GRK5: variants seen among roughly 807,000 people sequenced by gnomAD.
GRK5 encodes g protein-coupled receptor kinase GRK5.
Under a neutral mutation model 78.4 loss-of-function variants are expected in GRK5, and 40 were observed. That is an observed-to-expected ratio of 0.51 (90% CI 0.40 to 0.66). The LOEUF (loss-of-function observed/expected upper bound fraction) is 0.66. Among genes scored for constraint, GRK5 ranks in the 30% least tolerant of loss-of-function variants. GRK5 has a pLI of 0.00. For synonymous variants in GRK5, 289 were observed against 296.8 expected, an observed-to-expected ratio of 0.97 and a Z score of 0.27; for missense variants, 598 against 759.9, an observed-to-expected ratio of 0.79 and a Z score of 2.50.
chr10:119,407,334 T>C (rs1018508341), intron 4 of GRK5, among the ~76,000 whole-genome samples: 1 of 152,214 alleles, frequency 6.6e-6, no homozygotes, highest in African/African-American at 2.4e-5. Context: ...AACTCTGTGC[T>C]AGAAACAAGG....
chr10:119,212,456 A>T (rs953579185), intron 1 of GRK5, among the ~76,000 whole-genome samples: 3 of 152,234 alleles, frequency 2.0e-5, no homozygotes, highest in African/African-American at 7.2e-5. Context: ...TTGCTAAATG[A>T]TACCCTTTGG....
intron 2 of GRK5, among the ~76,000 whole-genome samples, chr10:119,354,395 C>CTTTTTTTTTTT (rs60146483): frequency 2.3e-5 from 2 of 87,808 alleles, no homozygotes; most frequent in Non-Finnish European, 4.2e-5. Context: ...CCTACATCTC[C>CTTTTTTTTTTT]TTTTTTTTTT....
At chr10:119,420,454 C>T (rs1393002827) in intron 4 of GRK5, among the ~76,000 whole-genome samples, 35 of 151,624 alleles carry the variant, frequency 2.3e-4, no homozygotes, top group Admixed American at 2.3e-3. Context: ...GGCATAAGAA[C>T]TTTTCTGTTG....
chr10:119,443,521 T>TCTCTC (rs767648881), intron 11 of GRK5, 23 bp from the exon 12 acceptor site: 165 of 1,586,260 alleles, frequency 1.0e-4, no homozygotes, highest in Non-Finnish European at 1.4e-4. Context: ...TCCTCACTCC[T>TCTCTC]CTCTCCTCTC....
At chr10:119,259,501 G>A (rs1564867062) in intron 1 of GRK5, among the ~76,000 whole-genome samples, 1 of 152,216 alleles carries the variant, frequency 6.6e-6, no homozygotes, top group Non-Finnish European at 1.5e-5. Context: ...GAGAAAAATT[G>A]GTTGGTGAGT....
intron 1 of GRK5, among the ~76,000 whole-genome samples, chr10:119,249,447 A>G (rs775523183): frequency 3.3e-5 from 5 of 152,180 alleles, no homozygotes; most frequent in African/African-American, 4.8e-5. Context: ...CAGGTATATC[A>G]TGTATCAAAT....
At chr10:119,447,036 C>T (rs757829861) in intron 12 of GRK5, among the ~76,000 whole-genome samples, 35 of 152,236 alleles carry the variant, frequency 2.3e-4, no homozygotes, top group Non-Finnish European at 4.1e-4. Flanking sequence ...ACAGCTGCAG[C>T]GCTCAGTAAG....
chr10:119,342,778 G>C (rs184966047), intron 2 of GRK5, among the ~76,000 whole-genome samples: 1 of 152,302 alleles, frequency 6.6e-6, no homozygotes, highest in African/African-American at 2.4e-5. Context: ...GTGGCTCTTG[G>C]CAGCGCAGGC....
chr10:119,348,400 T>A (rs1278716239), intron 2 of GRK5, among the ~76,000 whole-genome samples: 1 of 151,556 alleles, frequency 6.6e-6, no homozygotes, highest in East Asian at 1.9e-4. Context: ...AAGCAGGCAA[T>A]GAATAAGTCA....
At chr10:119,325,692 A>G (rs1850662980) in intron 1 of GRK5, among the ~76,000 whole-genome samples, 1 of 152,158 alleles carries the variant, frequency 6.6e-6, no homozygotes. Flanking sequence ...GCTCAGGGAC[A>G]CTGAGGCCCA....
intron 1 of GRK5, among the ~76,000 whole-genome samples, chr10:119,252,304 G>A (rs1180122188): frequency 6.6e-6 from 1 of 152,238 alleles, no homozygotes; most frequent in Non-Finnish European, 1.5e-5. Context: ...CGGGCAGAGA[G>A]CTGTCTTGTT....
chr10:119,313,009 C>CTGATGGTGGTGGTGATGGTGGTGGTGGT (rs1564886922), intron 1 of GRK5, among the ~76,000 whole-genome samples: 1 of 5,686 alleles, frequency 1.8e-4, no homozygotes. Context: ...GTGGTCGTGA[C>CTGATGGTGGTGGTGATGGTGGTGGTGGT]GGTGATGGTA....
chr10:119,402,601 C>T (rs1852168289), intron 4 of GRK5, among the ~76,000 whole-genome samples: 1 of 152,144 alleles, frequency 6.6e-6, no homozygotes, highest in African/African-American at 2.4e-5. Context: ...ACCTGTAATC[C>T]CAGCACTTTG....
intron 4 of GRK5, among the ~76,000 whole-genome samples, chr10:119,410,926 G>C (rs1852326530): frequency 6.7e-6 from 1 of 150,306 alleles, no homozygotes; most frequent in African/African-American, 2.4e-5. Flanking sequence ...GCTGTGACCT[G>C]CACTCTACAG....
At chr10:119,347,154 T>C (rs1457939848) in intron 2 of GRK5, among the ~76,000 whole-genome samples, 1 of 152,166 alleles carries the variant, frequency 6.6e-6, no homozygotes, top group Non-Finnish European at 1.5e-5. Flanking sequence ...AGGGATTCTC[T>C]CTTATTGATG....
rs771296431 is a variant in GRK5 at position 119,448,280 on chromosome 10, C to A, written c.1404+20C>A. On this transcript the variant is annotated intron_variant, in intron 13 of 15. Coordinates refer to ENST00000392870, the MANE Select transcript of GRK5 (RefSeq NM_005308.3). ...CCAGACGTGAGTAGCCTCCCCCAGC[C>A]CCCAGCAGCTCCCTTCACAGGGTAC... 2.5e-6 allele frequency: 4 copies of A among 1,578,710 alleles called. No homozygotes were observed. The Admixed American group carries it at 5.8e-5, about 23-fold the overall frequency.
At chr10:119,219,219 A>G (rs936098697) in intron 1 of GRK5, among the ~76,000 whole-genome samples, 2 of 151,776 alleles carry the variant, frequency 1.3e-5, no homozygotes, top group Non-Finnish European at 2.9e-5. Flanking sequence ...AGCCAACATG[A>G]TGCATACAAA....
rs776373760 is a variant in GRK5, at chr10:119,207,954, C to G, written c.37C>G (p.Leu13Val). ...LENIVANTVL[L>V]KAREGGGGKR... is the part of the protein sequence containing the mutation. ...AAACATCGTGGCCAACACGGTCTTG[C>G]TGAAAGCCAGGGAAGGTAAGAGGCA... The change falls in exon 1 of 16, where the codon CTG (leucine) becomes GTG (valine). Residue 13 changes from leucine to valine, a missense_variant. Coordinates refer to ENST00000392870, the MANE Select transcript of GRK5 (RefSeq NM_005308.3). 2 of 1,604,830 alleles carry G rather than the reference C, an allele frequency of 1.2e-6. No individual in the cohort carries two copies. The highest frequency in any genetic ancestry group is 2.7e-5 in the African/African-American group (2 of 73,434).
intron 2 of GRK5, among the ~76,000 whole-genome samples, chr10:119,331,540 G>A (rs990672566): frequency 2.6e-5 from 4 of 152,246 alleles, no homozygotes; most frequent in Admixed American, 6.5e-5. Flanking sequence ...GGACACATGA[G>A]CTCACTTTCT....
Sources: allele counts gnomAD v4.1 joint callset (sites outside exome capture counted in the v4.1 genomes callset), GRCh38; gene constraint gnomAD v4.1.1; transcripts MANE v1.5; gene names NCBI Gene and HGNC (gene_info 2026-07-23, HGNC 2026-07-21).